Variants in PLAC8L1 observed in about 807,000 individuals in gnomAD.
PLAC8L1 encodes the protein PLAC8-like protein 1.
In PLAC8L1, 13 loss-of-function variants were observed where a neutral mutation model predicts 16.3. The ratio of observed to expected loss-of-function variants is 0.80; its 90% CI spans 0.52 to 1.27. The LOEUF (loss-of-function observed/expected upper bound fraction) is 1.27, where lower values mean the gene tolerates loss of function less well. Ranked by LOEUF, PLAC8L1 falls within the 50% of genes most tolerant of loss-of-function variation. The pLI is 0.00. For missense variants in PLAC8L1, 184 were observed against 220.2 expected, an observed-to-expected ratio of 0.84 and a Z score of 1.04; for synonymous variants, 78 against 79.3, an observed-to-expected ratio of 0.98 and a Z score of 0.09.
At chr5:146,086,138 T>A (rs1186116862) in intron 2 of PLAC8L1, among the ~76,000 whole-genome samples, 2 of 144,792 alleles carry the variant, frequency 1.4e-5, no homozygotes, top group Non-Finnish European at 3.0e-5. Context: ...CATGCCATTC[T>A]CCTGCGTCAG....
intron 2 of PLAC8L1, among the ~76,000 whole-genome samples, chr5:146,094,075 TTTTG>T (rs1428443733): frequency 2.6e-5 from 4 of 152,154 alleles, no homozygotes; most frequent in South Asian, 2.1e-4. Context: ...GTTGTTGTTG[TTTTG>T]TTTCTTTTGT....
At position 146,087,349 on chromosome 5, in the gene PLAC8L1, C is replaced by T. The variant is rs10043763; in HGVS notation, c.257-1752G>A. 3.6e-3 allele frequency among the ~76,000 whole-genome samples: 548 copies of T among 152,218 alleles called. 2 individuals carry two copies. Among genetic ancestry groups the T allele is most frequent in the African/African-American group, 0.013 (530 of 41,524 alleles). ...GAAGATTCATCTGTAAGTGTTTACA[C>T]AGGCGTATGTTTTTATTTCATTTGG... is the stretch of plus-strand genomic sequence containing the variant. On this transcript the variant is annotated intron_variant, in intron 2 of 3. Coordinates refer to ENST00000311450, the MANE Select transcript of PLAC8L1 (RefSeq NM_001029869.3).
chr5:146,103,886 GT>G, intron 1 of PLAC8L1: 1 of 985,372 alleles, frequency 1.0e-6, no homozygotes, highest in Non-Finnish European at 1.2e-6. Flanking sequence ...AAACCCTTGA[GT>G]TTTCATTTCA....
intron 2 of PLAC8L1, among the ~76,000 whole-genome samples, chr5:146,087,382 C>A (rs1031889708): frequency 6.6e-5 from 10 of 152,084 alleles, no homozygotes; most frequent in Non-Finnish European, 1.0e-4. Context: ...TGGATGGATA[C>A]CTGGAAGGGG....
intron 2 of PLAC8L1, among the ~76,000 whole-genome samples, chr5:146,092,453 T>G (rs1390044171): frequency 6.6e-6 from 1 of 151,936 alleles, no homozygotes; most frequent in Non-Finnish European, 1.5e-5. Context: ...AATGGCAAAG[T>G]CTGGAAACCA....
chr5:146,099,172 G>A (rs1763766232), intron 1 of PLAC8L1, among the ~76,000 whole-genome samples: 1 of 152,158 alleles, frequency 6.6e-6, no homozygotes, highest in South Asian at 2.1e-4. Flanking sequence ...CATAGAAGGG[G>A]TGGGTCAAGA....
At chr5:146,094,092 T>A (rs1039469823) in intron 2 of PLAC8L1, among the ~76,000 whole-genome samples, 1 of 152,212 alleles carries the variant, frequency 6.6e-6, no homozygotes, top group African/African-American at 2.4e-5. Flanking sequence ...TCTTTTGTTT[T>A]GTTTTGTTTT....
intron 1 of PLAC8L1, among the ~76,000 whole-genome samples, chr5:146,101,257 A>G (rs1023494302): frequency 6.6e-6 from 1 of 151,432 alleles, no homozygotes; most frequent in African/African-American, 2.4e-5. Context: ...GTCTCTCTAC[A>G]TGCACGTACA....
At chr5:146,094,577 G>A (rs1763680442) in intron 2 of PLAC8L1, among the ~76,000 whole-genome samples, 2 of 152,090 alleles carry the variant, frequency 1.3e-5, no homozygotes, top group Non-Finnish European at 2.9e-5. Context: ...TCCCAAAGCT[G>A]GATTGCCCAG....
intron 2 of PLAC8L1, among the ~76,000 whole-genome samples, chr5:146,092,366 T>C (rs1763633951): frequency 6.6e-6 from 1 of 152,172 alleles, no homozygotes; most frequent in Non-Finnish European, 1.5e-5. Flanking sequence ...GTTTACTCTT[T>C]AGTGGTTATC....
At chr5:146,103,451 G>A (rs1346837628) in intron 1 of PLAC8L1, among the ~76,000 whole-genome samples, 2 of 151,956 alleles carry the variant, frequency 1.3e-5, no homozygotes, top group African/African-American at 4.8e-5. Flanking sequence ...GAGCCACTGC[G>A]CCTGGCCTCA....
At chr5:146,089,704 C>A (rs745613320) in intron 2 of PLAC8L1, among the ~76,000 whole-genome samples, 2 of 150,480 alleles carry the variant, frequency 1.3e-5, no homozygotes, top group African/African-American at 2.4e-5. Context: ...TACATTTATT[C>A]CTGTGGGGTA....
At chr5:146,094,028 A>G (rs1313630065) in intron 2 of PLAC8L1, among the ~76,000 whole-genome samples, 2 of 152,166 alleles carry the variant, frequency 1.3e-5, no homozygotes, top group Non-Finnish European at 2.9e-5. Flanking sequence ...CATGGCATTT[A>G]TCACAACTGC....
At chr5:146,088,667 A>G (rs1269489429) in intron 2 of PLAC8L1, among the ~76,000 whole-genome samples, 1 of 152,188 alleles carries the variant, frequency 6.6e-6, no homozygotes, top group Non-Finnish European at 1.5e-5. Context: ...TAGTCACTCA[A>G]TCATCTACTG....
chr5:146,104,055 A>G lies in PLAC8L1; in HGVS notation c.119+138T>C, dbSNP rs991642673. 2.1e-6 allele frequency: 3 copies of G among 1,410,962 alleles called. No individual in the cohort carries two copies. In the Admixed American group the frequency reaches 8.8e-5, roughly 41 times the overall value. 87.4% of individuals were successfully genotyped at this position (1,410,962 alleles called of 1,614,324 possible). A position where few individuals can be genotyped will look rare whatever the true frequency, so the allele number is the denominator to read the frequency against. ...GAACAAATCAGTTGCCCTCTTTTCA[A>G]GTTTGCATGGAGAAAAGATAGCAAC... On this transcript the variant is annotated intron_variant, in intron 1 of 3. Coordinates refer to ENST00000311450, the MANE Select transcript of PLAC8L1 (RefSeq NM_001029869.3).
Position 146,089,900 on chromosome 5 carries a change from G to A in PLAC8L1, c.257-4303C>T, listed in dbSNP as rs184965560. On this transcript the variant is annotated intron_variant, in intron 2 of 3. Transcript: ENST00000311450. ...AATACATGTGCCTGCCACCATGCCC[G>A]GCTAATTTTTGTATTTTTAGTATAG... Among the ~76,000 whole-genome samples the A allele has an allele frequency of 5.0e-4, 76 of 151,818 alleles. 1 individual carries two copies. In the East Asian group the frequency reaches 0.014, roughly 28 times the overall value.
intron 1 of PLAC8L1, among the ~76,000 whole-genome samples, chr5:146,101,977 A>T (rs1763825805): frequency 6.6e-6 from 1 of 151,984 alleles, no homozygotes. Flanking sequence ...ATTCCAAATC[A>T]AATAACTAAC....
At chr5:146,100,978 T>C (rs548015814) in intron 1 of PLAC8L1, among the ~76,000 whole-genome samples, 45 of 152,238 alleles carry the variant, frequency 3.0e-4, no homozygotes, top group Non-Finnish European at 4.9e-4. Context: ...GGCAGGTGGA[T>C]TGCTTGAGCT....
chr5:146,098,671 G>T (rs957780710), intron 1 of PLAC8L1, among the ~76,000 whole-genome samples: 4 of 152,188 alleles, frequency 2.6e-5, no homozygotes, highest in Admixed American at 2.0e-4. Flanking sequence ...CGTTGGTTCT[G>T]ATGAAAAAAC....
Sources: allele counts gnomAD v4.1 joint callset (sites outside exome capture counted in the v4.1 genomes callset), GRCh38; gene constraint gnomAD v4.1.1; transcripts MANE v1.5; gene names NCBI Gene and HGNC (gene_info 2026-07-23, HGNC 2026-07-21).